The following ZNF438 variants were observed in gnomAD, a reference collection of about 807,000 sequenced individuals.
ZNF438 encodes the protein zinc finger protein 438.
In ZNF438, 25 loss-of-function variants were observed where a neutral mutation model predicts 38.0. The observed-to-expected ratio is 0.66, with a 90% CI of 0.48 to 0.92. ZNF438 has a LOEUF of 0.92. Ranked by LOEUF, ZNF438 falls within the 40% of genes least tolerant of loss-of-function variation. ZNF438 has a pLI of 0.00. For synonymous variants in ZNF438, 372 were observed against 364.1 expected, an observed-to-expected ratio of 1.02 and a Z score of -0.25; for missense variants, 1,007 against 999.6, an observed-to-expected ratio of 1.01 and a Z score of -0.10.
Position 30,942,970 on chromosome 10 carries a change from G to A in ZNF438, c.-191-1319C>T, listed in dbSNP as rs555376542. On this transcript the variant is annotated intron_variant, in intron 1 of 5. Transcript: ENST00000413025. ...CAATCACTAGTGACCTTTGGAATAC[G>A]TTTCAGAAAGGCAATAAAAGTAAAC... Among the ~76,000 whole-genome samples the A allele has an allele frequency of 3.3e-5, 5 of 152,272 alleles. No homozygotes were observed. In the South Asian group the frequency reaches 6.2e-4, roughly 19 times the overall value.
intron 1 of ZNF438, among the ~76,000 whole-genome samples, chr10:30,978,762 A>T (rs1325333762): frequency 6.6e-6 from 1 of 152,198 alleles, no homozygotes; most frequent in African/African-American, 2.4e-5. Flanking sequence ...TATTTTACTC[A>T]GTATAATGTT....
exon 5 of ZNF438, chr10:30,849,466 G>A: frequency 6.2e-7 from 1 of 1,614,212 alleles, no homozygotes; most frequent in Non-Finnish European, 8.5e-7. Context: ...AACCTGCAAT[G>A]TTAGCATCTG....
intron 1 of ZNF438, among the ~76,000 whole-genome samples, chr10:30,988,238 T>A (rs2053068489): frequency 1.3e-5 from 2 of 152,084 alleles, no homozygotes; most frequent in Non-Finnish European, 2.9e-5. Flanking sequence ...GGTACCTCAT[T>A]ATCGACATAG....
chr10:30,853,232 A>T (rs1273019966), intron 4 of ZNF438, among the ~76,000 whole-genome samples: 1 of 152,220 alleles, frequency 6.6e-6, no homozygotes, highest in Non-Finnish European at 1.5e-5. Context: ...CCGCAAGATG[A>T]GCTAGAACAA....
intron 2 of ZNF438, chr10:30,920,063 CTCTT>C (rs1349829023): frequency 6.6e-6 from 1 of 152,214 alleles, no homozygotes; most frequent in Non-Finnish European, 1.5e-5. Flanking sequence ...TCTCATCTGT[CTCTT>C]TCTTTCTCTT....
chr10:30,900,322 A>C lies in ZNF438; in HGVS notation c.-32+8611T>G, dbSNP rs369212969. Among the ~76,000 whole-genome samples the C allele has an allele frequency of 2.5e-4, 38 of 152,304 alleles. No individual in the cohort carries two copies. In the South Asian group the frequency reaches 7.7e-3, roughly 31 times the overall value. On this transcript the variant is annotated intron_variant, in intron 3 of 5. Transcript: ENST00000413025. Reference sequence around the variant, plus strand: ...GGTTTGCTAATCCCTACTCTAAACCAGTGACTTAGTAAACCTGGTTTATAC... The same window carrying C: ...GGTTTGCTAATCCCTACTCTAAACCCGTGACTTAGTAAACCTGGTTTATAC...
intron 1 of ZNF438, among the ~76,000 whole-genome samples, chr10:30,989,709 G>T (rs1359797792): frequency 6.6e-6 from 1 of 152,188 alleles, no homozygotes; most frequent in Non-Finnish European, 1.5e-5. Context: ...TGAGACTGTT[G>T]TGTGTGCACT....
intron 3 of ZNF438, among the ~76,000 whole-genome samples, chr10:30,881,437 A>ACC (rs1322996742): frequency 8.5e-5 from 13 of 152,278 alleles, no homozygotes; most frequent in African/African-American, 3.1e-4. Flanking sequence ...TATGTGAAAG[A>ACC]CCTATACACT....
intron 2 of ZNF438, among the ~76,000 whole-genome samples, chr10:30,927,669 T>A (rs1000910456): frequency 1.3e-5 from 2 of 152,230 alleles, no homozygotes; most frequent in African/African-American, 4.8e-5. Context: ...CGTAAAGTGA[T>A]GGTGAAAATA....
chr10:30,933,141 C>G (rs1245741829), intron 2 of ZNF438, among the ~76,000 whole-genome samples: 1 of 152,188 alleles, frequency 6.6e-6, no homozygotes, highest in Non-Finnish European at 1.5e-5. Flanking sequence ...AATATGTCAT[C>G]CAATCAATTT....
chr10:30,932,851 A>G (rs1200529624), intron 2 of ZNF438, among the ~76,000 whole-genome samples: 1 of 152,192 alleles, frequency 6.6e-6, no homozygotes, highest in African/African-American at 2.4e-5. Context: ...GAAAATTTGG[A>G]TGTAGACAGA....
At chr10:30,924,589 T>C (rs999302215) in intron 2 of ZNF438, among the ~76,000 whole-genome samples, 3 of 152,240 alleles carry the variant, frequency 2.0e-5, no homozygotes, top group Non-Finnish European at 2.9e-5. Context: ...CAAAAAACTA[T>C]CTATGGGATA....
At chr10:30,984,994 G>A (rs2052610959) in intron 1 of ZNF438, among the ~76,000 whole-genome samples, 1 of 152,056 alleles carries the variant, frequency 6.6e-6, no homozygotes, top group African/African-American at 2.4e-5. Context: ...AGACTTACTT[G>A]TACTTTTAGG....
rs182848969 is a variant in ZNF438 at position 30,965,249 on chromosome 10, C to T, written c.-191-23598G>A. 1.4e-4 allele frequency among the ~76,000 whole-genome samples: 21 copies of T among 152,228 alleles called. 1 individual carries two copies. The highest frequency in any genetic ancestry group is 6.5e-4 in the Admixed American group (10 of 15,284). Reference sequence around the variant, plus strand: ...AACCAAAATGAGATACCATCTCATGCCAGTGAGAAGAGCTATTATTAAAAA... The same window carrying T: ...AACCAAAATGAGATACCATCTCATGTCAGTGAGAAGAGCTATTATTAAAAA... On this transcript the variant is annotated intron_variant, in intron 1 of 5. Transcript: ENST00000413025.
intron 5 of ZNF438, among the ~76,000 whole-genome samples, chr10:30,847,206 T>TGGAC (rs1165748745): frequency 3.3e-5 from 5 of 152,236 alleles, no homozygotes; most frequent in Non-Finnish European, 7.3e-5. Context: ...GCCAGTCATG[T>TGGAC]GGACTGGAGT....
intron 3 of ZNF438, among the ~76,000 whole-genome samples, chr10:30,905,521 G>T (rs2042492611): frequency 1.3e-5 from 2 of 152,126 alleles, no homozygotes; most frequent in African/African-American, 4.8e-5. Context: ...TCAGATATAA[G>T]ATTTGCAAAT....
chr10:30,878,146 C>T (rs1308248337), intron 3 of ZNF438, among the ~76,000 whole-genome samples: 1 of 152,160 alleles, frequency 6.6e-6, no homozygotes, highest in African/African-American at 2.4e-5. Context: ...ACCTGCTGCC[C>T]AAGGTGAGAA....
chr10:30,863,224 T>C (rs1036382960), intron 4 of ZNF438, among the ~76,000 whole-genome samples: 1 of 152,234 alleles, frequency 6.6e-6, no homozygotes, highest in African/African-American at 2.4e-5. Flanking sequence ...CCTTATTTCT[T>C]TAATGAAGAC....
intron 2 of ZNF438, among the ~76,000 whole-genome samples, chr10:30,928,787 G>C (rs1375198261): frequency 6.6e-6 from 1 of 152,022 alleles, no homozygotes; most frequent in Admixed American, 6.6e-5. Context: ...CCCTCATCTC[G>C]TGGAGTTGGG....
Sources: gnomAD v4.1 joint callset for allele counts (sites outside exome capture counted in the v4.1 genomes callset) on GRCh38, gnomAD v4.1.1 for gene constraint, MANE v1.5 for transcripts, NCBI Gene and HGNC (gene_info 2026-07-23, HGNC 2026-07-21) for gene names.